The following ZNF141 variants were observed in gnomAD, a reference collection of about 807,000 sequenced individuals.
ZNF141 encodes the protein zinc finger protein 141 (clone pHZ-44).
In ZNF141, 7 loss-of-function variants were observed where a neutral mutation model predicts 11.3. The observed-to-expected ratio is 0.62, with a 90% CI of 0.35 to 1.16. ZNF141 has a LOEUF of 1.16. Ranked by LOEUF, ZNF141 falls within the 50% of genes most tolerant of loss-of-function variation. The pLI is 0.02. For synonymous variants in ZNF141, 183 were observed against 190.7 expected, an observed-to-expected ratio of 0.96 and a Z score of 0.33; for missense variants, 535 against 554.0, an observed-to-expected ratio of 0.97 and a Z score of 0.34.
At chr4:368,164 G>A (rs1349206307) in intron 3 of ZNF141, among the ~76,000 whole-genome samples, 2 of 152,032 alleles carry the variant, frequency 1.3e-5, no homozygotes, top group Admixed American at 6.6e-5. Flanking sequence ...GTTACACAGT[G>A]CCATCAACAT....
chr4:356,352 G>A (rs1721840191), intron 3 of ZNF141, among the ~76,000 whole-genome samples: 1 of 151,480 alleles, frequency 6.6e-6, no homozygotes, highest in Admixed American at 6.6e-5. Flanking sequence ...ACAGAGTCTT[G>A]TTCTGTCACC....
Position 372,870 on chromosome 4 carries a change from C to G in ZNF141, c.433C>G (p.Leu145Val). The G allele has an allele frequency of 6.2e-7, 1 of 1,612,958 alleles. No individual in the cohort carries two copies. Among genetic ancestry groups the G allele is most frequent in the Non-Finnish European group, 8.5e-7 (1 of 1,179,214 alleles). Residue 145 changes from leucine to valine, a missense_variant, in exon 4 of 4, where the codon CTT becomes GTT. By Grantham distance (32) the Leu-to-Val change is conservative. Transcript: ENST00000240499. ...CTTGTCAACTACCCAGAGCAAAATA[C>G]TTCAGTGTAAAGCAAGTGTCAAAGT... is the stretch of plus-strand genomic sequence containing the variant. ...ECLSTTQSKILQCKASVKVVS... is the reference protein window; with the variant it reads ...ECLSTTQSKIVQCKASVKVVS...
intron 3 of ZNF141, among the ~76,000 whole-genome samples, chr4:348,741 AAAAC>A (rs1426039048): frequency 6.6e-6 from 1 of 152,060 alleles, no homozygotes; most frequent in African/African-American, 2.4e-5. Flanking sequence ...AAAAAAAAAA[AAAAC>A]AAGTATGATG....
Position 379,012 on chromosome 4 carries a change from T to C in ZNF141, c.*5150T>C, listed in dbSNP as rs1486505120. Among the ~76,000 whole-genome samples, 1 of 151,666 alleles carries C rather than the reference T, an allele frequency of 6.6e-6. No individual in the cohort carries two copies. The highest frequency in any genetic ancestry group is 1.5e-5 in the Non-Finnish European group (1 of 67,888). Reference sequence around the variant, plus strand: ...GGTGCCCACCACCACACCCAGCTAATTTTTGTATTTTTAATAGAGATGAGG... The same window carrying C: ...GGTGCCCACCACCACACCCAGCTAACTTTTGTATTTTTAATAGAGATGAGG... On this transcript the variant is annotated 3_prime_UTR_variant, in exon 4 of 4. Coordinates refer to ENST00000240499, the MANE Select transcript of ZNF141 (RefSeq NM_003441.4).
chr4:346,328 GATAA>G (rs1434640317), intron 3 of ZNF141, among the ~76,000 whole-genome samples: 4 of 152,102 alleles, frequency 2.6e-5, no homozygotes, highest in Non-Finnish European at 4.4e-5. Context: ...GGATTTTTCT[GATAA>G]ATAAAAATTA....
intron 3 of ZNF141, among the ~76,000 whole-genome samples, chr4:364,171 G>T (rs1711616766): frequency 6.6e-6 from 1 of 152,200 alleles, no homozygotes; most frequent in African/African-American, 2.4e-5. Context: ...TTGTGTCTCT[G>T]TGAGGCTTTG....
rs781789885 is a variant in ZNF141 at position 379,478 on chromosome 4, G to A, written c.*5616G>A. On this transcript the variant is annotated 3_prime_UTR_variant, in exon 4 of 4. Transcript: ENST00000240499. ...CAACCTCCGCCTCTCAGGTTCAGGC[G>A]ATTCTCCTGCCTCAGCCTCCTTATT... Among the ~76,000 whole-genome samples the A allele has an allele frequency of 1.3e-5, 2 of 152,012 alleles. No individual in the cohort carries two copies. The highest frequency in any genetic ancestry group is 1.9e-4 in the East Asian group (1 of 5,164).
At chr4:369,268 C>T (rs544089403) in intron 3 of ZNF141, among the ~76,000 whole-genome samples, 174 of 152,042 alleles carry the variant, frequency 1.1e-3, no homozygotes, top group African/African-American at 4.0e-3. Context: ...CTTCCTTTGC[C>T]CCTTATGAGC....
At chr4:370,474 A>G (rs782092127) in intron 3 of ZNF141, among the ~76,000 whole-genome samples, 1 of 151,854 alleles carries the variant, frequency 6.6e-6, no homozygotes, top group African/African-American at 2.4e-5. Flanking sequence ...CTTCATTTTT[A>G]GGACTGTTTT....
intron 3 of ZNF141, among the ~76,000 whole-genome samples, chr4:358,858 G>A (rs571777876): frequency 4.7e-4 from 71 of 152,316 alleles, no homozygotes; most frequent in Admixed American, 1.6e-3. Context: ...ACAGGTGTGA[G>A]CCTCCTCGCC....
At chr4:345,793 A>C (rs73066313) in intron 3 of ZNF141, among the ~76,000 whole-genome samples, 3,484 of 152,082 alleles carry the variant, frequency 0.023, 137 homozygotes, top group African/African-American at 0.079. Context: ...ACAGAAGATA[A>C]GCAAAAAAAG....
At position 337,930 on chromosome 4, in the gene ZNF141, G is replaced by A. The variant is rs1553847800; in HGVS notation, c.-54G>A. ...CTCAGCCTCCGTCGCTCTGTGACCT[G>A]CGGGTATTGGATGATTGGTAGCTAA... On this transcript the variant is annotated 5_prime_UTR_variant, in exon 1 of 4. Coordinates refer to ENST00000240499, the MANE Select transcript of ZNF141 (RefSeq NM_003441.4). 6.2e-7 allele frequency: 1 copy of A among 1,610,200 alleles called. No homozygotes were observed. Among genetic ancestry groups the A allele is most frequent in the African/African-American group, 1.3e-5 (1 of 74,766 alleles).
chr4:366,875 C>A (rs1046036015), intron 3 of ZNF141, among the ~76,000 whole-genome samples: 1 of 151,798 alleles, frequency 6.6e-6, no homozygotes, highest in Non-Finnish European at 1.5e-5. Context: ...GCCATGTTGA[C>A]CAGGCTGGTC....
At position 380,668 on chromosome 4, in the gene ZNF141, A is replaced by C. The variant is rs887590736; in HGVS notation, c.*6806A>C. Among the ~76,000 whole-genome samples, 5 of 152,258 alleles carry C rather than the reference A, an allele frequency of 3.3e-5. No homozygotes were observed. The East Asian group carries it at 9.6e-4, about 29-fold the overall frequency. ...ACTCCATCCCCCCTGCCCAAAAAAA[A>C]AAATTAATTTTCACAGAAAATTAAT... On this transcript the variant is annotated 3_prime_UTR_variant, in exon 4 of 4. Transcript: ENST00000240499.
Position 379,432 on chromosome 4 carries a change from T to TG in ZNF141, c.*5572dup, listed in dbSNP as rs201588331. ...GCTCTGTCGCCAGGCTGGAGTACAGTGGTGCGATCTCAGCTCACTGCAACC... is the reference window on the plus strand; with the variant it reads ...GCTCTGTCGCCAGGCTGGAGTACAGTGGGTGCGATCTCAGCTCACTGCAACC... On this transcript the variant is annotated 3_prime_UTR_variant, in exon 4 of 4. Transcript: ENST00000240499. Among the ~76,000 whole-genome samples, 69 of 152,324 alleles carry TG rather than the reference T, an allele frequency of 4.5e-4. 1 individual carries two copies. The East Asian group carries it at 0.013, about 28-fold the overall frequency.
chr4:344,377 A>C lies in ZNF141; in HGVS notation c.173A>C (p.Gln58Pro). 2 of 1,609,238 alleles carry C rather than the reference A, an allele frequency of 1.2e-6. No individual in the cohort carries two copies. The highest frequency in any genetic ancestry group is 1.7e-6 in the Non-Finnish European group (2 of 1,176,594). ...SNPDLVTCLE[Q>P]RKEPYNVKIH... is the part of the protein sequence containing the mutation. ...CCAGACCTGGTCACCTGTCTGGAGC[A>C]AAGAAAAGAGCCCTACAATGTGAAG... The change falls in exon 3 of 4, where the codon CAA becomes CCA. Residue 58 changes from glutamine (Q) to proline (P), a missense_variant. Physicochemically the swap from Gln to Pro is moderately conservative, Grantham distance 76. Transcript: ENST00000240499.
At chr4:350,447 G>T (rs61450142) in intron 3 of ZNF141, among the ~76,000 whole-genome samples, 25,138 of 152,218 alleles carry the variant, frequency 0.17, 2,798 homozygotes, top group African/African-American at 0.32. Flanking sequence ...CATCTGACAA[G>T]ACATTTTCAT....
intron 3 of ZNF141, among the ~76,000 whole-genome samples, chr4:352,135 C>A (rs1340809854): frequency 6.6e-6 from 1 of 152,104 alleles, no homozygotes; most frequent in Non-Finnish European, 1.5e-5. Context: ...CGCCTGTAAT[C>A]CCAGCACTTT....
At chr4:366,714 G>A (rs781917563) in intron 3 of ZNF141, among the ~76,000 whole-genome samples, 6 of 151,970 alleles carry the variant, frequency 3.9e-5, no homozygotes, top group East Asian at 1.9e-4. Context: ...CTGCTTTGTC[G>A]CTCAGACTGG....
Sources: allele counts gnomAD v4.1 joint callset (sites outside exome capture counted in the v4.1 genomes callset), GRCh38; gene constraint gnomAD v4.1.1; transcripts MANE v1.5; gene names NCBI Gene and HGNC (gene_info 2026-07-23, HGNC 2026-07-21).